SCN10A: variants seen among roughly 807,000 people sequenced by gnomAD.
SCN10A encodes sodium channel protein type 10 subunit alpha.
Under a neutral mutation model 170.7 loss-of-function variants are expected in SCN10A, and 162 were observed. That is an observed-to-expected ratio of 0.95 (90% CI 0.84 to 1.08). The LOEUF (loss-of-function observed/expected upper bound fraction) is 1.08. SCN10A is among the 50% of genes least tolerant of loss of function. The probability of loss-of-function intolerance (pLI) is 0.00; values close to 1 mark genes in which losing one functional copy is unlikely to be tolerated. For missense variants in SCN10A, 2,527 were observed against 2,436.9 expected, an observed-to-expected ratio of 1.04 and a Z score of -0.78; for synonymous variants, 985 against 904.6, an observed-to-expected ratio of 1.09 and a Z score of -1.59.
In SCN10A at chr3:38,807,556, A is replaced by G. The variant is rs1438958578; in HGVS notation, c.-33+8481T>C. On this transcript the variant is annotated intron_variant, in intron 1 of 27. Transcript: ENST00000449082. ...TCTTGAAATCCTCTCTCTGTTCCATATGAGGCTTCACTGAAGGCTTCTACA... is the reference window on the plus strand; with the variant it reads ...TCTTGAAATCCTCTCTCTGTTCCATGTGAGGCTTCACTGAAGGCTTCTACA... Among the ~76,000 whole-genome samples, 4 of 152,124 alleles carry G rather than the reference A, an allele frequency of 2.6e-5. No homozygotes were observed. In the East Asian group the frequency reaches 5.8e-4, roughly 22 times the overall value.
chr3:38,799,551 C>T (rs1207941193), intron 1 of SCN10A, among the ~76,000 whole-genome samples: 1 of 152,114 alleles, frequency 6.6e-6, no homozygotes, highest in Non-Finnish European at 1.5e-5. Context: ...TTGAACGTGG[C>T]AGGGAGATAG....
chr3:38,743,157 G>A (rs1370762004), intron 13 of SCN10A, among the ~76,000 whole-genome samples: 1 of 152,044 alleles, frequency 6.6e-6, no homozygotes, highest in Admixed American at 6.5e-5. Context: ...CTGTTGATGA[G>A]CTCCCTTTTA....
intron 13 of SCN10A, among the ~76,000 whole-genome samples, chr3:38,748,461 T>A (rs1167056127): frequency 6.6e-6 from 1 of 152,236 alleles, no homozygotes; most frequent in Non-Finnish European, 1.5e-5. Context: ...TGTCTCTTGT[T>A]AAGTCAATGT....
At chr3:38,734,134 G>A (rs1239388808) in intron 15 of SCN10A, among the ~76,000 whole-genome samples, 2 of 152,122 alleles carry the variant, frequency 1.3e-5, no homozygotes, top group African/African-American at 2.4e-5. Context: ...CAATTCTCAT[G>A]CCTCACCCTC....
chr3:38,813,032 CAAATAAAT>C (rs569447854), intron 1 of SCN10A, among the ~76,000 whole-genome samples: 1 of 151,998 alleles, frequency 6.6e-6, no homozygotes, highest in African/African-American at 2.4e-5. Flanking sequence ...GACCCTGTCT[CAAATAAAT>C]AAATAAATAA....
intron 5 of SCN10A, among the ~76,000 whole-genome samples, chr3:38,767,016 T>C (rs1036568151): frequency 6.6e-5 from 10 of 151,902 alleles, no homozygotes; most frequent in African/African-American, 1.9e-4. Flanking sequence ...TTTGTGCAAA[T>C]AAAGGTGTTC....
chr3:38,810,497 C>G (rs986774373), intron 1 of SCN10A, among the ~76,000 whole-genome samples: 1 of 152,190 alleles, frequency 6.6e-6, no homozygotes, highest in African/African-American at 2.4e-5. Flanking sequence ...TCCTTTTAGG[C>G]TAAAGCTTAA....
At position 38,803,704 on chromosome 3, in the gene SCN10A, C is replaced by A. The variant is rs552033156; in HGVS notation, c.-32-9662G>T. 2.6e-5 allele frequency among the ~76,000 whole-genome samples: 4 copies of A among 151,410 alleles called. No individual in the cohort carries two copies. In the East Asian group the frequency reaches 7.8e-4, roughly 30 times the overall value. ...TAGGAGATATACCTAATGTAAATGACGAGTTAATGGGTGCAGCACACCAAC... is the reference window on the plus strand; with the variant it reads ...TAGGAGATATACCTAATGTAAATGAAGAGTTAATGGGTGCAGCACACCAAC... On this transcript the variant is annotated intron_variant, in intron 1 of 27. Coordinates refer to ENST00000449082, the MANE Select transcript of SCN10A (RefSeq NM_006514.4).
At position 38,697,766 on chromosome 3, in the gene SCN10A, C is replaced by A. The variant is rs550500385; in HGVS notation, c.5454G>T (p.Leu1818Phe). ...TKNVLGESGE[L>F]DSLKANMEEK... is the part of the protein sequence containing the mutation. ...CCTCCATATTTGCCTTCAGAGAATCCAACTCCCCGGATTCTCCTAGGACAT... is the reference window on the plus strand; with the variant it reads ...CCTCCATATTTGCCTTCAGAGAATCAAACTCCCCGGATTCTCCTAGGACAT... The change falls in exon 28 of 28, where the codon TTG becomes TTT. Residue 1818 changes from leucine to phenylalanine, a missense_variant. Coordinates refer to ENST00000449082, the MANE Select transcript of SCN10A (RefSeq NM_006514.4). 6.2e-7 allele frequency: 1 copy of A among 1,614,050 alleles called. No homozygotes were observed. Among genetic ancestry groups the A allele is most frequent in the South Asian group, 1.1e-5 (1 of 91,062 alleles).
At chr3:38,753,585 C>G (rs991997628) in intron 11 of SCN10A, among the ~76,000 whole-genome samples, 1 of 152,152 alleles carries the variant, frequency 6.6e-6, no homozygotes, top group Non-Finnish European at 1.5e-5. Flanking sequence ...AAATAGAGTA[C>G]TCTCTGCCTG....
chr3:38,750,771 C>T (rs1233448316), intron 12 of SCN10A, among the ~76,000 whole-genome samples: 1 of 152,166 alleles, frequency 6.6e-6, no homozygotes, highest in African/African-American at 2.4e-5. Flanking sequence ...TTTCACTAGC[C>T]TGGTAATTTA....
rs1313065730 is a variant in SCN10A, at chr3:38,746,377, A to T, written c.1867+3696T>A. Among the ~76,000 whole-genome samples the T allele has an allele frequency of 2.0e-5, 3 of 151,524 alleles. 1 individual carries two copies. In the Middle Eastern group the frequency reaches 9.6e-3, roughly 483 times the overall value. ...CCTTAGATAGCTCTCATATCCTTCC[A>T]TTTCCCATCAGCCCCACTGTCACTA... On this transcript the variant is annotated intron_variant, in intron 13 of 27. Coordinates refer to ENST00000449082, the MANE Select transcript of SCN10A (RefSeq NM_006514.4).
At chr3:38,739,787 A>G (rs1575983576) in intron 14 of SCN10A, 99 bp from the exon 15 acceptor site, 1 of 1,030,480 alleles carries the variant, frequency 9.7e-7, no homozygotes. Context: ...AAAATAGAAA[A>G]TCCTTTTGTT....
chr3:38,813,660 A>AACT (rs1450783313), intron 1 of SCN10A, among the ~76,000 whole-genome samples: 1 of 152,188 alleles, frequency 6.6e-6, no homozygotes, highest in Non-Finnish European at 1.5e-5. Context: ...TACCCTCATG[A>AACT]ACTAGTTCAT....
intron 4 of SCN10A, among the ~76,000 whole-genome samples, chr3:38,780,802 G>T (rs555592945): frequency 6.6e-6 from 1 of 152,196 alleles, no homozygotes; most frequent in Admixed American, 6.5e-5. Flanking sequence ...CATCAACAAC[G>T]CATTTGGCCC....
At chr3:38,802,152 G>T (rs976769286) in intron 1 of SCN10A, among the ~76,000 whole-genome samples, 32 of 152,120 alleles carry the variant, frequency 2.1e-4, no homozygotes, top group African/African-American at 7.7e-4. Flanking sequence ...ACACTCTGGA[G>T]ATATAGCAGT....
At position 38,789,062 on chromosome 3, in the gene SCN10A, C is replaced by T. The variant is rs558143874; in HGVS notation, c.390-26G>A. ...CTGAAAGGCCTGTGTTAAGGAAAAGCTGAGATCACCAAGTCTCTGTGATGT... is the reference window on the plus strand; with the variant it reads ...CTGAAAGGCCTGTGTTAAGGAAAAGTTGAGATCACCAAGTCTCTGTGATGT... On this transcript the variant is annotated intron_variant, in intron 3 of 27. Transcript: ENST00000449082. 116 of 1,353,690 alleles carry T rather than the reference C, an allele frequency of 8.6e-5. No individual in the cohort carries two copies. In the East Asian group the frequency reaches 2.0e-3, roughly 23 times the overall value. 83.9% of individuals were successfully genotyped at this position (1,353,690 alleles called of 1,614,324 possible).
intron 1 of SCN10A, among the ~76,000 whole-genome samples, chr3:38,807,269 T>C (rs1178198895): frequency 1.3e-5 from 2 of 152,162 alleles, no homozygotes; most frequent in Non-Finnish European, 1.5e-5. Context: ...GGTAATCAAT[T>C]TAATAACTGA....
chr3:38,756,876 A>T lies in SCN10A; in HGVS notation c.1093-5T>A. The T allele has an allele frequency of 6.2e-7, 1 of 1,614,078 alleles. No homozygotes were observed. The highest frequency in any genetic ancestry group is 8.5e-7 in the Non-Finnish European group (1 of 1,179,942). On this transcript the variant is annotated splice_polypyrimidine_tract_variant and splice_region_variant and intron_variant, in intron 9 of 27. Transcript: ENST00000449082. Reference sequence around the variant, plus strand: ...TTTCCCAGAAGTCCTCAGGGTCTGCAGGTTCAAGGGAAAGAAGAGAAACCT... The same window carrying T: ...TTTCCCAGAAGTCCTCAGGGTCTGCTGGTTCAAGGGAAAGAAGAGAAACCT...
Sources: gnomAD v4.1 joint callset for allele counts (sites outside exome capture counted in the v4.1 genomes callset) on GRCh38, gnomAD v4.1.1 for gene constraint, MANE v1.5 for transcripts, NCBI Gene and HGNC (gene_info 2026-07-23, HGNC 2026-07-21) for gene names.